SMLR1: variants seen among roughly 807,000 people sequenced by gnomAD.
The protein encoded by SMLR1 is small leucine-rich protein 1.
A neutral mutation model predicts 6.1 loss-of-function variants in SMLR1; 3 were observed. The observed-to-expected ratio is 0.49, with a 90% confidence interval of 0.22 to 1.28. The LOEUF is 1.28. Ranked by LOEUF, SMLR1 falls within the 50% of genes most tolerant of loss-of-function variation. The probability of loss-of-function intolerance (pLI) is 0.19; values close to 1 mark genes in which losing one functional copy is unlikely to be tolerated. For synonymous variants in SMLR1, 55 were observed against 53.6 expected, an observed-to-expected ratio of 1.03 and a Z score of -0.11; for missense variants, 126 against 124.8, an observed-to-expected ratio of 1.01 and a Z score of -0.05.
At chr6:130,830,035 AC>A (rs1282192878) in intron 1 of SMLR1, among the ~76,000 whole-genome samples, 1 of 152,142 alleles carries the variant, frequency 6.6e-6, no homozygotes, top group Non-Finnish European at 1.5e-5. Flanking sequence ...AGATACTGGG[AC>A]AGATTTTTAC....
Position 130,837,084 on chromosome 6 carries a change from A to G in SMLR1, c.*2129A>G, listed in dbSNP as rs1238815003. 1 of 152,178 alleles carries G rather than the reference A, an allele frequency of 6.6e-6. No individual in the cohort carries two copies. The highest frequency in any genetic ancestry group is 1.5e-5 in the Non-Finnish European group (1 of 68,022). The allele number at this position is 152,178 out of a possible 1,614,324, so 9.4% of individuals were successfully genotyped here. On this transcript the variant is annotated 3_prime_UTR_variant, in exon 2 of 2. Transcript: ENST00000541421. Reference sequence around the variant, plus strand: ...TCTGAAACGGTTCACCAATAGGGATAATGTTTCTCCAACTGGAGACCTTCA... The same window carrying G: ...TCTGAAACGGTTCACCAATAGGGATGATGTTTCTCCAACTGGAGACCTTCA...
intron 1 of SMLR1, among the ~76,000 whole-genome samples, chr6:130,834,125 A>G (rs1774561648): frequency 6.6e-6 from 1 of 152,170 alleles, no homozygotes; most frequent in Non-Finnish European, 1.5e-5. Flanking sequence ...GATCCCAACG[A>G]ATATGTGTCA....
intron 1 of SMLR1, among the ~76,000 whole-genome samples, chr6:130,831,288 C>G (rs1191288511): frequency 5.3e-5 from 8 of 152,124 alleles, no homozygotes; most frequent in Admixed American, 5.2e-4. Context: ...AGTTTATATT[C>G]AAACCATCTT....
At chr6:130,828,533 C>CT (rs1335986425) in intron 1 of SMLR1, among the ~76,000 whole-genome samples, 1 of 152,148 alleles carries the variant, frequency 6.6e-6, no homozygotes, top group Non-Finnish European at 1.5e-5. Context: ...ATTTCTTGGA[C>CT]TTGCCAAGCT....
At position 130,834,886 on chromosome 6, in the gene SMLR1, C is replaced by T. The variant is rs750676126; in HGVS notation, c.255C>T (p.Ser85=). The T allele has an allele frequency of 4.6e-6, 7 of 1,534,984 alleles. No homozygotes were observed. In the East Asian group the frequency reaches 1.2e-4, roughly 27 times the overall value. Residue 85 remains serine (S), a synonymous_variant, in exon 2 of 2, where the codon TCC becomes TCT. Coordinates refer to ENST00000541421, the MANE Select transcript of SMLR1 (RefSeq NM_001195597.2). Reference sequence around the variant, plus strand: ...TCCTTTCAGTTAATGAAGAACTGTCCCAGAACTGTGATCGCCAACATAATC... The same window carrying T: ...TCCTTTCAGTTAATGAAGAACTGTCTCAGAACTGTGATCGCCAACATAATC... ...IKLIEVNEEL[S]QNCDRQHNPK...
intron 1 of SMLR1, among the ~76,000 whole-genome samples, chr6:130,830,039 A>G (rs1774393128): frequency 6.6e-6 from 1 of 152,144 alleles, no homozygotes; most frequent in Admixed American, 6.5e-5. Flanking sequence ...ACTGGGACAG[A>G]TTTTTACTAT....
At position 130,836,836 on chromosome 6, in the gene SMLR1, T is replaced by A. The variant is rs528126512; in HGVS notation, c.*1881T>A. On this transcript the variant is annotated 3_prime_UTR_variant, in exon 2 of 2. Coordinates refer to ENST00000541421, the MANE Select transcript of SMLR1 (RefSeq NM_001195597.2). The stretch of plus-strand genomic sequence containing the variant: ...AGTCAGGCCTTTGCACTTCTCATTC[T>A]CATAGGTCCAGTTTAAGATCTCATT... The A allele has an allele frequency of 6.6e-6, 1 of 152,314 alleles. No homozygotes were observed. Among genetic ancestry groups the A allele is most frequent in the East Asian group, 1.9e-4 (1 of 5,186 alleles). 9.4% of individuals were successfully genotyped at this position (152,314 alleles called of 1,614,324 possible). A position where few individuals can be genotyped will look rare whatever the true frequency, so the allele number is the denominator to read the frequency against.
In SMLR1 at chr6:130,835,946, G is replaced by A. The variant is rs1445686408; in HGVS notation, c.*991G>A. 2 of 152,232 alleles carry A rather than the reference G, an allele frequency of 1.3e-5. No individual in the cohort carries two copies. The highest frequency in any genetic ancestry group is 1.3e-4 in the Admixed American group (2 of 15,282). 9.4% of individuals were successfully genotyped at this position (152,232 alleles called of 1,614,324 possible). ...CAATCTTTGTGCAGGACATTAACAG[G>A]CTGAGTGATCCACTTTATAAAACAT... On this transcript the variant is annotated 3_prime_UTR_variant, in exon 2 of 2. Transcript: ENST00000541421.
intron 1 of SMLR1, among the ~76,000 whole-genome samples, chr6:130,832,673 A>G (rs1036541013): frequency 1.3e-5 from 2 of 152,216 alleles, no homozygotes; most frequent in African/African-American, 4.8e-5. Context: ...TTATTAAAAT[A>G]GTCTTGGGAT....
At position 130,835,044 on chromosome 6, in the gene SMLR1, T is replaced by C; in HGVS notation, c.*89T>C. On this transcript the variant is annotated 3_prime_UTR_variant, in exon 2 of 2. Coordinates refer to ENST00000541421, the MANE Select transcript of SMLR1 (RefSeq NM_001195597.2). Reference sequence around the variant, plus strand: ...CAGTTCAGCTAATAAAGTAGGTTGATAAACTAGAACCATAGCAAAATAGAA... The same window carrying C: ...CAGTTCAGCTAATAAAGTAGGTTGACAAACTAGAACCATAGCAAAATAGAA... The C allele has an allele frequency of 9.8e-7, 1 of 1,025,008 alleles. No individual in the cohort carries two copies. The highest frequency in any genetic ancestry group is 1.5e-6 in the Non-Finnish European group (1 of 684,746). The allele number at this position is 1,025,008 out of a possible 1,614,324, so 63.5% of individuals were successfully genotyped here. A position where few individuals can be genotyped will look rare whatever the true frequency, so the allele number is the denominator to read the frequency against.
chr6:130,830,374 T>C (rs1046888905), intron 1 of SMLR1, among the ~76,000 whole-genome samples: 16 of 151,980 alleles, frequency 1.1e-4, no homozygotes, highest in African/African-American at 3.9e-4. Context: ...AGGCTGCAGG[T>C]AGGAATTACA....
rs1038327888 is a variant in SMLR1, at chr6:130,836,626, T to C, written c.*1671T>C. 4 of 152,240 alleles carry C rather than the reference T, an allele frequency of 2.6e-5. No individual in the cohort carries two copies. The highest frequency in any genetic ancestry group is 6.5e-5 in the Admixed American group (1 of 15,280). The allele number at this position is 152,240 out of a possible 1,614,324, so 9.4% of individuals were successfully genotyped here. On this transcript the variant is annotated 3_prime_UTR_variant, in exon 2 of 2. Transcript: ENST00000541421. ...GGCCTGTTTCTTTTCTGCCATCCAA[T>C]GAGAGCAGAGAATCTCCAATGAAAC... is the stretch of plus-strand genomic sequence containing the variant.
chr6:130,827,762 A>G (rs1308434678), intron 1 of SMLR1, 111 bp downstream of exon 1: 1 of 773,794 alleles, frequency 1.3e-6, no homozygotes, highest in Non-Finnish European at 2.0e-6. Context: ...ATATATATAT[A>G]TATTTTGTAG....
intron 1 of SMLR1, among the ~76,000 whole-genome samples, chr6:130,832,494 T>C (rs995630494): frequency 5.9e-5 from 9 of 152,078 alleles, no homozygotes; most frequent in African/African-American, 1.7e-4. Context: ...GTCTGTAAAA[T>C]AGAAATAACA....
At chr6:130,834,837 C>G in intron 1 of SMLR1, 33 bp from the exon 2 acceptor site, 1 of 1,517,740 alleles carries the variant, frequency 6.6e-7, no homozygotes, top group Non-Finnish European at 8.8e-7. Context: ...ACTCAGATGT[C>G]TCCAAATTAT....
intron 1 of SMLR1, among the ~76,000 whole-genome samples, chr6:130,834,130 G>GT (rs1283090960): frequency 6.6e-6 from 1 of 152,172 alleles, no homozygotes; most frequent in Non-Finnish European, 1.5e-5. Flanking sequence ...CAACGAATAT[G>GT]TGTCAGGATC....
chr6:130,831,595 A>G (rs1381659758), intron 1 of SMLR1, among the ~76,000 whole-genome samples: 1 of 152,208 alleles, frequency 6.6e-6, no homozygotes, highest in African/African-American at 2.4e-5. Context: ...CTCGAAATAA[A>G]ATATCACCAG....
chr6:130,834,518 CCAGA>C (rs775250383), intron 1 of SMLR1, among the ~76,000 whole-genome samples: 34 of 152,176 alleles, frequency 2.2e-4, no homozygotes, highest in Non-Finnish European at 2.5e-4. Flanking sequence ...CTGTAAGTGC[CCAGA>C]CACATTTTTG....
At chr6:130,829,455 G>A (rs576390578) in intron 1 of SMLR1, among the ~76,000 whole-genome samples, 1 of 152,212 alleles carries the variant, frequency 6.6e-6, no homozygotes, top group Admixed American at 6.5e-5. Context: ...GCAGGGTATG[G>A]CCTGGCATCA....
Sources: gnomAD v4.1 joint callset for allele counts (sites outside exome capture counted in the v4.1 genomes callset) on GRCh38, gnomAD v4.1.1 for gene constraint, MANE v1.5 for transcripts, NCBI Gene and HGNC (gene_info 2026-07-23, HGNC 2026-07-21) for gene names.